The following FAR2 variants were observed in gnomAD, a reference collection of about 807,000 sequenced individuals.
FAR2 encodes epididymis secretory protein Li 81.
Under a neutral mutation model 56.0 loss-of-function variants are expected in FAR2, and 19 were observed. The observed-to-expected ratio is 0.34, with a 90% confidence interval of 0.24 to 0.50. The LOEUF (loss-of-function observed/expected upper bound fraction) is 0.50, where lower values mean the gene tolerates loss of function less well. FAR2 is among the 20% of genes least tolerant of loss of function. FAR2 has a pLI of 0.98. For missense variants in FAR2, 508 were observed against 642.2 expected (o/e 0.79, Z 2.26); for synonymous variants, 219 against 218.8 (o/e 1.00, Z -0.01).
intron 1 of FAR2, among the ~76,000 whole-genome samples, chr12:29,230,543 C>A (rs770820182): frequency 1.6e-4 from 24 of 151,898 alleles, no homozygotes; most frequent in Middle Eastern, 3.2e-3. Flanking sequence ...AGTGGATCAC[C>A]GGGTCTGACA....
chr12:29,330,865 G>A (rs1949721448), intron 10 of FAR2, among the ~76,000 whole-genome samples: 1 of 152,000 alleles, frequency 6.6e-6, no homozygotes, highest in African/African-American at 2.4e-5. Context: ...TCTGAAAAAA[G>A]GAAACTAAGA....
At chr12:29,255,617 T>C (rs889210173) in intron 1 of FAR2, among the ~76,000 whole-genome samples, 25 of 151,986 alleles carry the variant, frequency 1.6e-4, no homozygotes, top group African/African-American at 5.6e-4. Flanking sequence ...ACTTTCTTTT[T>C]TCTTTTTTTT....
intron 4 of FAR2, among the ~76,000 whole-genome samples, chr12:29,305,670 G>A (rs1949243628): frequency 6.6e-6 from 1 of 152,108 alleles, no homozygotes; most frequent in African/African-American, 2.4e-5. Context: ...TTACTCTTAT[G>A]AGAATTTAGA....
chr12:29,225,497 A>G (rs1947751866), intron 1 of FAR2, among the ~76,000 whole-genome samples: 2 of 152,182 alleles, frequency 1.3e-5, no homozygotes, highest in South Asian at 2.1e-4. Context: ...CAGTTACAAG[A>G]CAGTACCAAT....
At chr12:29,248,984 C>T (rs530006364) in intron 1 of FAR2, among the ~76,000 whole-genome samples, 1 of 152,254 alleles carries the variant, frequency 6.6e-6, no homozygotes, top group South Asian at 2.1e-4. Context: ...TTTCAAGGTG[C>T]CCAGATTTCA....
intron 1 of FAR2, among the ~76,000 whole-genome samples, chr12:29,164,315 C>T (rs538965281): frequency 2.8e-4 from 43 of 152,240 alleles, no homozygotes; most frequent in South Asian, 1.0e-3. Flanking sequence ...TTACTTTTGC[C>T]GACGCGGCTG....
At chr12:29,201,123 G>A (rs984871398) in intron 1 of FAR2, among the ~76,000 whole-genome samples, 7 of 151,906 alleles carry the variant, frequency 4.6e-5, no homozygotes, top group Admixed American at 6.6e-5. Context: ...CTTCCTTTCC[G>A]TCTTCCTTTT....
In FAR2 at chr12:29,270,666, T is replaced by C. The variant is rs779180685; in HGVS notation, c.189+28T>C. 13 of 1,567,956 alleles carry C rather than the reference T, an allele frequency of 8.3e-6. No homozygotes were observed. The South Asian group carries it at 1.2e-4, about 14-fold the overall frequency. ...ATGCCTTATAGGAAAGCGTGTGTGA[T>C]GGGCAATGCCTTAGGGCAAGATGAT... On this transcript the variant is annotated intron_variant, in intron 2 of 11. Transcript: ENST00000536681.
chr12:29,184,096 T>C (rs545359927), intron 1 of FAR2, among the ~76,000 whole-genome samples: 24 of 152,362 alleles, frequency 1.6e-4, no homozygotes, highest in Admixed American at 1.3e-4. Flanking sequence ...TTTTGTGTTA[T>C]GTGAATTTTA....
intron 2 of FAR2, among the ~76,000 whole-genome samples, chr12:29,273,268 T>G (rs552714185): frequency 2.6e-5 from 4 of 152,184 alleles, no homozygotes; most frequent in Middle Eastern, 3.2e-3. Flanking sequence ...CCACAGAGAC[T>G]GCAGCCACCT....
At chr12:29,271,500 G>T (rs1948618091) in intron 2 of FAR2, among the ~76,000 whole-genome samples, 1 of 152,168 alleles carries the variant, frequency 6.6e-6, no homozygotes, top group African/African-American at 2.4e-5. Context: ...CATAAGATTG[G>T]CAATAAGAAA....
intron 1 of FAR2, among the ~76,000 whole-genome samples, chr12:29,204,012 A>AAAG (rs1947449074): frequency 1.3e-5 from 2 of 149,606 alleles, no homozygotes; most frequent in Admixed American, 6.6e-5. Flanking sequence ...AAAAAAAAAA[A>AAAG]AAAAAAAAAA....
rs545963846 is a variant in FAR2, at chr12:29,182,555, C to T, written c.-39+33148C>T. ...GAGTGCTGATTGGTGCTTTTACAATCCTCTTGTAAGACAGAAAAGTTCTCC... is the reference window on the plus strand; with the variant it reads ...GAGTGCTGATTGGTGCTTTTACAATTCTCTTGTAAGACAGAAAAGTTCTCC... On this transcript the variant is annotated intron_variant, in intron 1 of 11. Coordinates refer to ENST00000536681, the MANE Select transcript of FAR2 (RefSeq NM_001271783.2). Among the ~76,000 whole-genome samples the T allele has an allele frequency of 5.3e-5, 8 of 152,340 alleles. No homozygotes were observed. In the South Asian group the frequency reaches 1.2e-3, roughly 24 times the overall value.
chr12:29,248,565 A>T (rs1012702247), intron 1 of FAR2, among the ~76,000 whole-genome samples: 3 of 152,184 alleles, frequency 2.0e-5, no homozygotes, highest in East Asian at 1.9e-4. Flanking sequence ...GGACCACAAG[A>T]CCAGGGCAAA....
At chr12:29,228,084 A>G (rs982286279) in intron 1 of FAR2, among the ~76,000 whole-genome samples, 1 of 151,944 alleles carries the variant, frequency 6.6e-6, no homozygotes, top group African/African-American at 2.4e-5. Context: ...ATACATATGT[A>G]ACAAACCTGC....
At chr12:29,230,503 C>T (rs889011033) in intron 1 of FAR2, among the ~76,000 whole-genome samples, 3 of 151,992 alleles carry the variant, frequency 2.0e-5, no homozygotes, top group African/African-American at 7.2e-5. Flanking sequence ...GCATGTGAGC[C>T]AGGCAACCCT....
At chr12:29,257,830 G>A (rs995235402) in intron 1 of FAR2, among the ~76,000 whole-genome samples, 3 of 152,122 alleles carry the variant, frequency 2.0e-5, no homozygotes, top group East Asian at 1.9e-4. Flanking sequence ...CACTCACCAC[G>A]AGGGTCCGGG....
At chr12:29,260,891 C>T (rs1948406663) in intron 1 of FAR2, among the ~76,000 whole-genome samples, 1 of 152,166 alleles carries the variant, frequency 6.6e-6, no homozygotes, top group Non-Finnish European at 1.5e-5. Context: ...GCCACCAAGG[C>T]AGTACCTTCA....
At chr12:29,284,935 G>A (rs527885286) in intron 2 of FAR2, among the ~76,000 whole-genome samples, 1,646 of 152,078 alleles carry the variant, frequency 0.011, 26 homozygotes, top group African/African-American at 0.038. Context: ...TCCACCTCCC[G>A]GGTTCACGCC....
Sources: gnomAD v4.1 joint callset for allele counts (sites outside exome capture counted in the v4.1 genomes callset) on GRCh38, gnomAD v4.1.1 for gene constraint, MANE v1.5 for transcripts, NCBI Gene and HGNC (gene_info 2026-07-23, HGNC 2026-07-21) for gene names.